KCNN3: variants seen among roughly 807,000 people sequenced by gnomAD.
KCNN3 encodes potassium calcium-activated channel subfamily N member 3.
KCNN3 carries 16 observed loss-of-function variants against 62.9 expected under a neutral mutation model. The observed-to-expected ratio is 0.25, with a 90% CI of 0.17 to 0.39. The LOEUF is 0.39. Among genes scored for constraint, KCNN3 ranks in the 10% least tolerant of loss-of-function variants. The probability of loss-of-function intolerance (pLI) is 1.00; values close to 1 mark genes in which losing one functional copy is unlikely to be tolerated. For missense variants in KCNN3, 599 were observed against 949.4 expected (o/e 0.63, Z 4.85); for synonymous variants, 370 against 389.2 (o/e 0.95, Z 0.58).
chr1:154,775,953 C>T (rs1648773119), intron 2 of KCNN3, among the ~76,000 whole-genome samples: 1 of 152,190 alleles, frequency 6.6e-6, no homozygotes. Flanking sequence ...TCACTCTGGG[C>T]AGGAATGGAA....
At chr1:154,732,913 C>G (rs1046611763) in intron 4 of KCNN3, 90 bp downstream of exon 4, 1 of 1,458,654 alleles carries the variant, frequency 6.9e-7, no homozygotes, top group Non-Finnish European at 9.6e-7. Context: ...CCCCGCTCTG[C>G]GGCTAGGAAG....
chr1:154,715,268 C>A (rs1038017570), intron 5 of KCNN3, among the ~76,000 whole-genome samples: 4 of 151,940 alleles, frequency 2.6e-5, no homozygotes, highest in Non-Finnish European at 5.9e-5. Context: ...TGAAACCCGT[C>A]TCTACAAAAA....
intron 3 of KCNN3, among the ~76,000 whole-genome samples, chr1:154,764,657 C>T (rs915262070): frequency 3.3e-5 from 5 of 152,126 alleles, no homozygotes; most frequent in Admixed American, 3.3e-4. Context: ...CCCTTCTAGC[C>T]TTCTCCTCTC....
intron 1 of KCNN3, among the ~76,000 whole-genome samples, chr1:154,824,989 A>G (rs1651047748): frequency 6.6e-6 from 1 of 152,260 alleles, no homozygotes; most frequent in Non-Finnish European, 1.5e-5. Flanking sequence ...AATAAAAAAA[A>G]TTAACCAACC....
intron 2 of KCNN3, among the ~76,000 whole-genome samples, chr1:154,793,705 T>C (rs1414207746): frequency 6.6e-6 from 1 of 152,080 alleles, no homozygotes; most frequent in African/African-American, 2.4e-5. Context: ...AAGCCTGCAG[T>C]GAAATACCTC....
At chr1:154,751,709 A>G (rs935505732) in intron 3 of KCNN3, among the ~76,000 whole-genome samples, 1 of 152,116 alleles carries the variant, frequency 6.6e-6, no homozygotes, top group Non-Finnish European at 1.5e-5. Flanking sequence ...ACCCCAGAGA[A>G]GCTCCCAGAG....
chr1:154,822,110 G>C lies in KCNN3; in HGVS notation c.1008C>G (p.Ala336=). The change falls in exon 2 of 8, where the codon GCC becomes GCG. Residue 336 remains alanine (A), a synonymous_variant. Coordinates refer to ENST00000271915, the MANE Select transcript of KCNN3 (RefSeq NM_002249.6). ...STIILLGLII[A]YHTREVQLFV... ...CTACCTGGACTTCACGTGTGTGGTA[G>C]GCGATGATCAAGCCCAAAAGGATGA... 1 of 1,613,962 alleles carries C rather than the reference G, an allele frequency of 6.2e-7. No homozygotes were observed. The highest frequency in any genetic ancestry group is 1.1e-5 in the South Asian group (1 of 91,086).
intron 3 of KCNN3, among the ~76,000 whole-genome samples, chr1:154,763,853 G>C (rs1006335716): frequency 3.9e-4 from 59 of 152,168 alleles, no homozygotes; most frequent in African/African-American, 4.8e-5. Context: ...AGGCTACAAA[G>C]TGCTCAATTA....
At chr1:154,795,781 G>A (rs1039696368) in intron 2 of KCNN3, among the ~76,000 whole-genome samples, 1 of 152,156 alleles carries the variant, frequency 6.6e-6, no homozygotes, top group African/African-American at 2.4e-5. Context: ...ACATGCAGAG[G>A]CCCAGAGACG....
chr1:154,733,264 G>A (rs374217899), intron 3 of KCNN3, 120 bp from the exon 4 acceptor site: 97 of 1,030,676 alleles, frequency 9.4e-5, no homozygotes, highest in East Asian at 4.4e-4. Flanking sequence ...CAGCAGTGAC[G>A]GTGGCTCACA....
intron 2 of KCNN3, among the ~76,000 whole-genome samples, chr1:154,816,206 T>C (rs1350866683): frequency 6.6e-6 from 1 of 152,218 alleles, no homozygotes; most frequent in African/African-American, 2.4e-5. Context: ...TACGTTTCTG[T>C]TGAGTTTGAA....
chr1:154,813,395 T>C (rs1650516810), intron 2 of KCNN3, among the ~76,000 whole-genome samples: 1 of 152,090 alleles, frequency 6.6e-6, no homozygotes, highest in Non-Finnish European at 1.5e-5. Flanking sequence ...CTGGGTGGAT[T>C]CAGCCTCCCG....
intron 5 of KCNN3, among the ~76,000 whole-genome samples, chr1:154,725,356 G>A (rs1700438894): frequency 2.6e-5 from 4 of 152,086 alleles, no homozygotes; most frequent in African/African-American, 9.7e-5. Context: ...TTATACCATT[G>A]TAGGCTATTA....
chr1:154,711,717 C>T (rs1164948623), intron 7 of KCNN3, among the ~76,000 whole-genome samples: 1 of 152,140 alleles, frequency 6.6e-6, no homozygotes, highest in Non-Finnish European at 1.5e-5. Context: ...GCTGATTGGT[C>T]CCAGGGTGGA....
At chr1:154,863,713 A>G (rs558815520) in intron 1 of KCNN3, among the ~76,000 whole-genome samples, 3 of 152,292 alleles carry the variant, frequency 2.0e-5, no homozygotes, top group African/African-American at 7.2e-5. Context: ...CCTCTTCCTA[A>G]AAGCACAATA....
chr1:154,755,427 C>A (rs917414812), intron 3 of KCNN3, among the ~76,000 whole-genome samples: 3 of 143,330 alleles, frequency 2.1e-5, no homozygotes, highest in Admixed American at 7.2e-5. Context: ...TGTCATCATG[C>A]TATTGCATTC....
chr1:154,743,993 T>C (rs1296787667), intron 3 of KCNN3, among the ~76,000 whole-genome samples: 2 of 152,158 alleles, frequency 1.3e-5, no homozygotes, highest in African/African-American at 4.8e-5. Flanking sequence ...CTCAGTAAGG[T>C]GTTACCCGCC....
intron 1 of KCNN3, among the ~76,000 whole-genome samples, chr1:154,836,296 G>A (rs1373207984): frequency 6.6e-6 from 1 of 152,204 alleles, no homozygotes; most frequent in Non-Finnish European, 1.5e-5. Flanking sequence ...TGTAATAGGA[G>A]GAGCCAGAGG....
intron 6 of KCNN3, 51 bp downstream of exon 6, chr1:154,714,825 C>T (rs1700199081): frequency 6.2e-7 from 1 of 1,611,006 alleles, no homozygotes; most frequent in Non-Finnish European, 8.5e-7. Flanking sequence ...GTAGGAGTCC[C>T]GCCACTCCCA....
Sources: gnomAD v4.1 joint callset for allele counts (sites outside exome capture counted in the v4.1 genomes callset) on GRCh38, gnomAD v4.1.1 for gene constraint, MANE v1.5 for transcripts, NCBI Gene and HGNC (gene_info 2026-07-23, HGNC 2026-07-21) for gene names.